SEMA3A: variants seen among roughly 807,000 people sequenced by gnomAD.
SEMA3A encodes semaphorin-3A.
Under a neutral mutation model 97.9 loss-of-function variants are expected in SEMA3A, and 29 were observed. That is an observed-to-expected ratio of 0.30 (90% confidence interval 0.22 to 0.40). The LOEUF is 0.40. Ranked by LOEUF, SEMA3A falls within the 10% of genes least tolerant of loss-of-function variation. The probability of loss-of-function intolerance (pLI) is 1.00; values close to 1 mark genes in which losing one functional copy is unlikely to be tolerated. For synonymous variants in SEMA3A, 321 were observed against 323.7 expected (o/e 0.99, Z 0.09); for missense variants, 763 against 951.3 (o/e 0.80, Z 2.60).
At position 84,299,804 on chromosome 7, in the gene SEMA3A, T is replaced by TATAAAAAACTTAC. The variant is rs1470039083; in HGVS notation, c.-83+7402_-83+7403insGTAAGTTTTTTAT. ...AAACAAGCAAACAAATGAATAAGAC[T>TATAAAAAACTTAC]AGATCACCTGAGGTCAGGAGTTTGA... On this transcript the variant is annotated intron_variant, in intron 3 of 3. Coordinates refer to the SEMA3A transcript ENST00000424555. Among the ~76,000 whole-genome samples the TATAAAAAACTTAC allele has an allele frequency of 9.1e-5, 11 of 121,166 alleles. 4 individuals are homozygous for TATAAAAAACTTAC. Among genetic ancestry groups the TATAAAAAACTTAC allele is most frequent in the African/African-American group, 1.6e-4 (5 of 31,698 alleles). 79.5% of individuals were successfully genotyped at this position (121,166 alleles called of 152,430 possible).
chr7:84,142,786 T>C (rs939215824), intron 1 of SEMA3A, among the ~76,000 whole-genome samples: 14 of 152,270 alleles, frequency 9.2e-5, no homozygotes, highest in Admixed American at 7.2e-4. Flanking sequence ...CAAGAGATAT[T>C]TCCCTCCAAA....
At chr7:83,969,364 A>G (rs1197678960) in intron 15 of SEMA3A, among the ~76,000 whole-genome samples, 1 of 151,848 alleles carries the variant, frequency 6.6e-6, no homozygotes, top group Admixed American at 6.6e-5. Context: ...GCCAAAAAAA[A>G]TCTCTTTTTA....
At chr7:84,423,601 A>G (rs991682331) in intron 1 of SEMA3A, among the ~76,000 whole-genome samples, 6 of 152,082 alleles carry the variant, frequency 3.9e-5, no homozygotes, top group African/African-American at 4.8e-5. Flanking sequence ...TATCATCTAT[A>G]TCTATATTTA....
chr7:84,095,128 T>TTA (rs1466089705), intron 4 of SEMA3A, among the ~76,000 whole-genome samples: 1 of 148,016 alleles, frequency 6.8e-6, no homozygotes, highest in Non-Finnish European at 1.5e-5. Context: ...ATATATTGCA[T>TTA]TATATATATT....
intron 2 of SEMA3A, among the ~76,000 whole-genome samples, chr7:84,312,625 T>C (rs1801353854): frequency 6.6e-6 from 1 of 150,838 alleles, no homozygotes; most frequent in Non-Finnish European, 1.5e-5. Context: ...AAATACAAAA[T>C]ACATATTCAC....
chr7:84,372,414 G>T (rs1325491604), intron 1 of SEMA3A: 2 of 152,032 alleles, frequency 1.3e-5, no homozygotes, highest in Non-Finnish European at 2.9e-5. Context: ...AAACTTAAAG[G>T]CTTAGTGTTT....
At chr7:84,003,898 T>C (rs1210554706) in intron 11 of SEMA3A, among the ~76,000 whole-genome samples, 1 of 152,144 alleles carries the variant, frequency 6.6e-6, no homozygotes, top group African/African-American at 2.4e-5. Flanking sequence ...ATTCTTTTAT[T>C]TGGTAGAGAA....
chr7:83,999,315 A>T (rs758352078), intron 12 of SEMA3A, among the ~76,000 whole-genome samples: 35 of 152,174 alleles, frequency 2.3e-4, no homozygotes, highest in Non-Finnish European at 4.0e-4. Context: ...TGTACTAAAC[A>T]ACATAGCTAA....
chr7:84,072,990 A>G (rs1793799148), intron 4 of SEMA3A, among the ~76,000 whole-genome samples: 1 of 152,172 alleles, frequency 6.6e-6, no homozygotes, highest in Non-Finnish European at 1.5e-5. Context: ...TTCCAAAAAC[A>G]TGGTTTTAAC....
chr7:84,155,768 T>A (rs1478769167), intron 1 of SEMA3A, among the ~76,000 whole-genome samples: 1 of 152,108 alleles, frequency 6.6e-6, no homozygotes, highest in Admixed American at 6.5e-5. Context: ...TGTTAATAAT[T>A]TTTTCCTTGT....
chr7:84,240,767 C>T (rs1258723187), intron 3 of SEMA3A, among the ~76,000 whole-genome samples: 1 of 152,120 alleles, frequency 6.6e-6, no homozygotes, highest in Non-Finnish European at 1.5e-5. Context: ...CCCACCACCG[C>T]CTGACAGGCC....
chr7:84,220,575 T>C (rs1203107202), intron 3 of SEMA3A, among the ~76,000 whole-genome samples: 1 of 152,152 alleles, frequency 6.6e-6, no homozygotes, highest in East Asian at 1.9e-4. Context: ...TCAAAATTAC[T>C]CCTTGATCCC....
intron 2 of SEMA3A, among the ~76,000 whole-genome samples, chr7:84,344,172 C>T (rs757510820): frequency 1.4e-4 from 21 of 151,918 alleles, no homozygotes; most frequent in Admixed American, 7.9e-4. Context: ...AATGTTTGTC[C>T]GTATACTCAG....
chr7:84,194,860 G>GA (rs778454027), upstream of SEMA3A: 2,002 of 178,136 alleles, frequency 0.011, no homozygotes, highest in Middle Eastern at 0.032. Context: ...TGTGTGGAAA[G>GA]AAAAAAAAAA....
At chr7:84,447,553 C>T (rs76611336) in intron 1 of SEMA3A, among the ~76,000 whole-genome samples, 4,066 of 152,270 alleles carry the variant, frequency 0.027, 172 homozygotes, top group African/African-American at 0.091. Flanking sequence ...GTCAGAACTA[C>T]CAGCTTCAGT....
At chr7:84,167,710 A>G (rs1307056229) in intron 1 of SEMA3A, among the ~76,000 whole-genome samples, 1 of 152,190 alleles carries the variant, frequency 6.6e-6, no homozygotes, top group African/African-American at 2.4e-5. Context: ...TGTTAGACAG[A>G]TACACAGTTT....
chr7:84,404,027 G>C (rs1803989738), intron 1 of SEMA3A, among the ~76,000 whole-genome samples: 2 of 152,146 alleles, frequency 1.3e-5, no homozygotes, highest in African/African-American at 2.4e-5. Context: ...ACCAGCAACA[G>C]AACAAAGCTG....
At chr7:84,486,599 G>A (rs1269404564) in intron 1 of SEMA3A, among the ~76,000 whole-genome samples, 1 of 151,938 alleles carries the variant, frequency 6.6e-6, no homozygotes, top group South Asian at 2.1e-4. Flanking sequence ...GTTTATTCAC[G>A]AGTATTCACA....
At chr7:84,195,024 A>AGAGAGAGAAAGAGAGAGAGAGAG (rs1798179833), upstream of SEMA3A, 3 of 140,566 alleles carry the variant, frequency 2.1e-5, no homozygotes, top group African/African-American at 5.4e-5. Context: ...GAGAGAGAGA[A>AGAGAGAGAAAGAGAGAGAGAGAG]AGAGAGAGAG....
Sources: allele counts gnomAD v4.1 joint callset (sites outside exome capture counted in the v4.1 genomes callset), GRCh38; gene constraint gnomAD v4.1.1; transcripts MANE v1.5; gene names NCBI Gene and HGNC (gene_info 2026-07-23, HGNC 2026-07-21).